The following DCUN1D2 variants were observed in gnomAD, a reference collection of about 807,000 sequenced individuals.
DCUN1D2 encodes DCN1-like protein 2.
Under a neutral mutation model 30.9 loss-of-function variants are expected in DCUN1D2, and 29 were observed. The observed-to-expected ratio is 0.94, with a 90% CI of 0.70 to 1.28. The LOEUF is 1.28. Ranked by LOEUF, DCUN1D2 falls within the 50% of genes most tolerant of loss-of-function variation. The pLI is 0.00. For synonymous variants in DCUN1D2, 121 were observed against 115.3 expected (o/e 1.05, Z -0.32); for missense variants, 325 against 316.9 (o/e 1.03, Z -0.19).
intron 4 of DCUN1D2, among the ~76,000 whole-genome samples, chr13:113,467,917 G>A (rs1177515744): frequency 1.3e-5 from 2 of 151,920 alleles, no homozygotes; most frequent in East Asian, 3.9e-4. Context: ...GGTGGTGTAT[G>A]CCTGTAATCC....
intron 2 of DCUN1D2, 133 bp downstream of exon 2, chr13:113,483,700 TGAGCGCC>T: frequency 1.4e-6 from 1 of 739,678 alleles, no homozygotes; most frequent in Non-Finnish European, 2.2e-6. Context: ...ATTCTGCAGC[TGAGCGCC>T]GAGCGCTGAG....
chr13:113,477,627 TATA>T (rs1323125016), intron 3 of DCUN1D2, among the ~76,000 whole-genome samples: 1 of 152,148 alleles, frequency 6.6e-6, no homozygotes, highest in Non-Finnish European at 1.5e-5. Context: ...TTCCAGTAAG[TATA>T]ATGTTTTCCA....
At chr13:113,463,317 G>A (rs1384953510) in intron 4 of DCUN1D2, among the ~76,000 whole-genome samples, 1 of 152,164 alleles carries the variant, frequency 6.6e-6, no homozygotes, top group Non-Finnish European at 1.5e-5. Flanking sequence ...AGACAATGAA[G>A]ATGTGTCCTC....
chr13:113,457,808 C>G lies in DCUN1D2; in HGVS notation c.*221G>C. On this transcript the variant is annotated 3_prime_UTR_variant, in exon 7 of 7. Transcript: ENST00000478244. The stretch of plus-strand genomic sequence containing the variant: ...TTTCCTAACGCAAAAGCTATGATGA[C>G]AAATCTCCAAACATCCCAAAGCAGC... 1 of 530,914 alleles carries G rather than the reference C, an allele frequency of 1.9e-6. No individual in the cohort carries two copies. The highest frequency in any genetic ancestry group is 2.9e-5 in the East Asian group (1 of 34,548). 32.9% of individuals were successfully genotyped at this position (530,914 alleles called of 1,614,324 possible). A position where few individuals can be genotyped will look rare whatever the true frequency, so the allele number is the denominator to read the frequency against.
intron 4 of DCUN1D2, among the ~76,000 whole-genome samples, chr13:113,472,350 C>T (rs1213483162): frequency 2.0e-5 from 3 of 152,142 alleles, no homozygotes; most frequent in Non-Finnish European, 2.9e-5. Flanking sequence ...GCACCAGCCG[C>T]GACCCCACCA....
intron 3 of DCUN1D2, among the ~76,000 whole-genome samples, chr13:113,477,775 T>C (rs2044642740): frequency 6.6e-6 from 1 of 152,156 alleles, no homozygotes; most frequent in Admixed American, 6.5e-5. Context: ...GATGATCCTT[T>C]TTTTCCTGTT....
At position 113,458,062 on chromosome 13, in the gene DCUN1D2, T is replaced by C. The variant is rs763408160; in HGVS notation, c.747A>G (p.Pro249=). ...LIDDFVEYAR[P]VVTGGKRSLF is the part of the protein sequence containing the mutation. ...GGCTGCGTTTTCCACCTGTGACTACTGGCCGTGCATATTCTACAAAATCAT... is the reference window on the plus strand; with the variant it reads ...GGCTGCGTTTTCCACCTGTGACTACCGGCCGTGCATATTCTACAAAATCAT... Residue 249 remains proline, a synonymous_variant, in exon 7 of 7, where the codon CCA becomes CCG. Coordinates refer to ENST00000478244, the MANE Select transcript of DCUN1D2 (RefSeq NM_001014283.2). 2 of 1,614,224 alleles carry C rather than the reference T, an allele frequency of 1.2e-6. No individual in the cohort carries two copies. The highest frequency in any genetic ancestry group is 1.1e-5 in the South Asian group (1 of 91,092).
Position 113,457,955 on chromosome 13 carries a change from C to G in DCUN1D2, c.*74G>C. ...ATGACTTCTGGAATCAGCGACAATGCACCCAGGAACTGACTGCAATCTCCT... is the reference window on the plus strand; with the variant it reads ...ATGACTTCTGGAATCAGCGACAATGGACCCAGGAACTGACTGCAATCTCCT... On this transcript the variant is annotated 3_prime_UTR_variant, in exon 7 of 7. Transcript: ENST00000478244. 7.4e-7 allele frequency: 1 copy of G among 1,347,930 alleles called. No homozygotes were observed. The highest frequency in any genetic ancestry group is 1.2e-5 in the South Asian group (1 of 84,988). 83.5% of individuals were successfully genotyped at this position (1,347,930 alleles called of 1,614,324 possible).
rs181017401 is a variant in DCUN1D2 at position 113,457,717 on chromosome 13, C to T, written c.*312G>A. Reference sequence around the variant, plus strand: ...CGCGCGAGCTACGCAGCATGCTCTGCGGTCCCACAGGCGGCGCTATGGCTC... The same window carrying T: ...CGCGCGAGCTACGCAGCATGCTCTGTGGTCCCACAGGCGGCGCTATGGCTC... On this transcript the variant is annotated 3_prime_UTR_variant, in exon 7 of 7. Coordinates refer to ENST00000478244, the MANE Select transcript of DCUN1D2 (RefSeq NM_001014283.2). The T allele has an allele frequency of 2.6e-4, 59 of 228,548 alleles. No homozygotes were observed. The highest frequency in any genetic ancestry group is 4.1e-4 in the Non-Finnish European group (47 of 114,958). The allele number at this position is 228,548 out of a possible 1,614,324, so 14.2% of individuals were successfully genotyped here.
At chr13:113,483,796 G>A in intron 2 of DCUN1D2, 44 bp downstream of exon 2, 3 of 1,588,228 alleles carry the variant, frequency 1.9e-6, no homozygotes, top group Non-Finnish European at 2.6e-6. Flanking sequence ...CAGGCCGCTC[G>A]CGGAGGCCGA....
chr13:113,467,394 T>G (rs905941794), intron 4 of DCUN1D2, among the ~76,000 whole-genome samples: 1 of 152,214 alleles, frequency 6.6e-6, no homozygotes, highest in African/African-American at 2.4e-5. Context: ...TGATCACCGG[T>G]GTAGTCTGTT....
At chr13:113,462,602 C>T (rs569984840) in intron 4 of DCUN1D2, 3 of 228,866 alleles carry the variant, frequency 1.3e-5, no homozygotes, top group Non-Finnish European at 2.2e-5. Context: ...TTAAATAAAA[C>T]GCCTCTAAAT....
chr13:113,456,035 A>G lies in DCUN1D2; in HGVS notation c.*1994T>C, dbSNP rs1595561379. The G allele has an allele frequency of 2.5e-6, 1 of 396,512 alleles. No individual in the cohort carries two copies. Among genetic ancestry groups the G allele is most frequent in the Non-Finnish European group, 4.4e-6 (1 of 225,308 alleles). 24.6% of individuals were successfully genotyped at this position (396,512 alleles called of 1,614,324 possible). A position where few individuals can be genotyped will look rare whatever the true frequency, so the allele number is the denominator to read the frequency against. ...GTTTATACAGAATTATGTGAATTCTATAAACTTTTCTGAACAAAACAATTA... is the reference window on the plus strand; with the variant it reads ...GTTTATACAGAATTATGTGAATTCTGTAAACTTTTCTGAACAAAACAATTA... On this transcript the variant is annotated 3_prime_UTR_variant, in exon 7 of 7. Coordinates refer to ENST00000478244, the MANE Select transcript of DCUN1D2 (RefSeq NM_001014283.2).
At chr13:113,478,779 G>A (rs2044659281) in intron 3 of DCUN1D2, 1 of 151,930 alleles carries the variant, frequency 6.6e-6, no homozygotes, top group Non-Finnish European at 1.5e-5. Context: ...TAACTGTACT[G>A]TGGTCAGAAA....
chr13:113,486,298 C>T (rs1036164570), intron 1 of DCUN1D2, among the ~76,000 whole-genome samples: 8 of 152,134 alleles, frequency 5.3e-5, no homozygotes, highest in African/African-American at 1.7e-4. Flanking sequence ...GAGCTGAACA[C>T]TGAGCAGGCG....
rs949463135 is a variant in DCUN1D2, at chr13:113,459,253, A to C, written c.700+59T>G. The C allele has an allele frequency of 1.9e-5, 17 of 893,354 alleles. No homozygotes were observed. The East Asian group carries it at 2.4e-4, about 13-fold the overall frequency. 55.3% of individuals were successfully genotyped at this position (893,354 alleles called of 1,614,324 possible). On this transcript the variant is annotated intron_variant, in intron 6 of 6. Transcript: ENST00000478244. ...GGGTCACCACTCTAGAGGCAGGAGA[A>C]GTTAACGTTCTCAGGTGTAAGCATT...
Position 113,490,573 on chromosome 13 carries a change from T to C in DCUN1D2, c.3+94A>G. The stretch of plus-strand genomic sequence containing the variant: ...GAACGCCCCGCGCAGCTCGCTGGGC[T>C]CGGCCTCCCACATCCAGCGCGCCGC... On this transcript the variant is annotated intron_variant, in intron 1 of 6. Coordinates refer to ENST00000478244, the MANE Select transcript of DCUN1D2 (RefSeq NM_001014283.2). This position sits in a 1 kb window ranked among gnomAD's most constrained non-coding sequence, Gnocchi z 5.2. The C allele has an allele frequency of 8.8e-7, 1 of 1,136,790 alleles. No individual in the cohort carries two copies. The allele number at this position is 1,136,790 out of a possible 1,614,324, so 70.4% of individuals were successfully genotyped here.
intron 6 of DCUN1D2, 58 bp downstream of exon 6, chr13:113,459,254 G>A: frequency 1.1e-6 from 1 of 937,516 alleles, no homozygotes; most frequent in Non-Finnish European, 1.8e-6. Flanking sequence ...GGCAGGAGAA[G>A]TTAACGTTCT....
intron 3 of DCUN1D2, chr13:113,475,896 C>G (rs1400599954): frequency 1.3e-5 from 2 of 152,272 alleles, no homozygotes; most frequent in African/African-American, 4.8e-5. Context: ...GACAATCAGA[C>G]TTCTGGGCCA....
Sources: allele counts gnomAD v4.1 joint callset (sites outside exome capture counted in the v4.1 genomes callset), GRCh38; gene constraint gnomAD v4.1.1; non-coding constraint Gnocchi (gnomAD v3.1); transcripts MANE v1.5; gene names NCBI Gene and HGNC (gene_info 2026-07-23, HGNC 2026-07-21).